The following ANKRA2 variants were observed in gnomAD, a reference collection of about 807,000 sequenced individuals.
The protein encoded by ANKRA2 is ankyrin repeat family A protein 2.
Under a neutral mutation model 37.8 loss-of-function variants are expected in ANKRA2, and 33 were observed. The ratio of observed to expected loss-of-function variants is 0.87; its 90% CI spans 0.66 to 1.17. ANKRA2 has a LOEUF of 1.17. Among genes scored for constraint, ANKRA2 ranks in the 50% most tolerant of loss-of-function variants. ANKRA2 has a pLI of 0.00. For synonymous variants in ANKRA2, 126 were observed against 132.3 expected (o/e 0.95, Z 0.33); for missense variants, 326 against 373.7 (o/e 0.87, Z 1.05).
rs1347497389 is a variant in ANKRA2 at position 73,552,807 on chromosome 5, A to G, written c.932T>C (p.Ile311Thr). 2.5e-6 allele frequency: 4 copies of G among 1,605,888 alleles called. No individual in the cohort carries two copies. Among genetic ancestry groups the G allele is most frequent in the African/African-American group, 2.7e-5 (2 of 74,826 alleles). ...ESHLLKLLQNIKE is the reference protein window; with the variant it reads ...ESHLLKLLQNTKE ...TTCTGATGACTGTGTCTACTCCTTG[A>G]TATTTTGAAGCAGCTTCAACAAATG... The change falls in exon 9 of 9, where the codon ATC (isoleucine) becomes ACC (threonine). Residue 311 changes from isoleucine (I) to threonine (T), a missense_variant. Ile to Thr is a moderately conservative substitution (Grantham distance 89). Around this residue, in one of 3 missense-constraint regions of ANKRA2, gnomAD observed 228 missense variants for 260.2 expected, o/e 0.88. Transcript: ENST00000296785.
chr5:73,559,640 T>A (rs1340292763), intron 3 of ANKRA2, among the ~76,000 whole-genome samples: 1 of 139,798 alleles, frequency 7.2e-6, no homozygotes, highest in Non-Finnish European at 1.6e-5. Flanking sequence ...TTATTATTTT[T>A]AATCTCTATT....
intron 7 of ANKRA2, among the ~76,000 whole-genome samples, chr5:73,553,782 C>T (rs4041313): frequency 1.6e-4 from 20 of 126,578 alleles, no homozygotes; most frequent in East Asian, 2.1e-4. Flanking sequence ...TTCTTTTCTT[C>T]TTTTTTTTTT....
At chr5:73,557,236 T>G (rs1332630872) in intron 4 of ANKRA2, among the ~76,000 whole-genome samples, 1 of 151,764 alleles carries the variant, frequency 6.6e-6, no homozygotes, top group African/African-American at 2.4e-5. Flanking sequence ...AACGGTGCAA[T>G]GTAGTGTATA....
chr5:73,555,183 C>T (rs1054305763), intron 5 of ANKRA2, 197 bp from the exon 6 acceptor site: 27 of 1,397,608 alleles, frequency 1.9e-5, no homozygotes, highest in Non-Finnish European at 2.4e-5. Flanking sequence ...CTGTATCAAT[C>T]CTAATTATCC....
intron 3 of ANKRA2, 144 bp from the exon 4 acceptor site, chr5:73,557,784 C>T: frequency 3.5e-6 from 2 of 568,210 alleles, no homozygotes; most frequent in East Asian, 3.4e-5. Flanking sequence ...TAAAATGTAT[C>T]CTAAAATTAA....
chr5:73,553,450 C>T lies in ANKRA2; in HGVS notation c.842G>A (p.Gly281Glu), dbSNP rs1747305154. ...TACAGCTAGATCCATAGAATTATAT[C>T]CAGAGTCAGTTTCAATTGTTGGATC... ...GADPTIETDS[G>E]YNSMDLAVAL... The change falls in exon 8 of 9, where the codon GGA becomes GAA. Residue 281 changes from glycine to glutamate, a missense_variant. Transcript: ENST00000296785. 2 of 1,613,476 alleles carry T rather than the reference C, an allele frequency of 1.2e-6. No individual in the cohort carries two copies. Among genetic ancestry groups the T allele is most frequent in the Non-Finnish European group, 1.7e-6 (2 of 1,179,680 alleles).
chr5:73,554,201 G>T, intron 7 of ANKRA2, 121 bp downstream of exon 7: 3 of 911,672 alleles, frequency 3.3e-6, no homozygotes, highest in African/African-American at 1.7e-5. Flanking sequence ...AGGGTGAAGA[G>T]CAGCAAGATT....
intron 4 of ANKRA2, among the ~76,000 whole-genome samples, chr5:73,555,958 T>C (rs578084064): frequency 2.0e-4 from 31 of 152,340 alleles, no homozygotes; most frequent in Non-Finnish European, 3.4e-4. Flanking sequence ...TTCTTCAATA[T>C]ACAGAATTCC....
At chr5:73,562,145 T>C (rs753508413) in intron 2 of ANKRA2, among the ~76,000 whole-genome samples, 12 of 152,052 alleles carry the variant, frequency 7.9e-5, no homozygotes, top group Admixed American at 2.0e-4. Context: ...GCCTCCCAAG[T>C]AGCTGGGATT....
At position 73,552,747 on chromosome 5, in the gene ANKRA2, A is replaced by G. The variant is rs199751483; in HGVS notation, c.*50T>C. On this transcript the variant is annotated 3_prime_UTR_variant, in exon 9 of 9. Transcript: ENST00000296785. Reference sequence around the variant, plus strand: ...TTATAAGTAAACAAAACTATCATTTATAAGGACCAAGAAGTAAACAAAAGG... The same window carrying G: ...TTATAAGTAAACAAAACTATCATTTGTAAGGACCAAGAAGTAAACAAAAGG... 52 of 1,507,794 alleles carry G rather than the reference A, an allele frequency of 3.4e-5. No individual in the cohort carries two copies. In the East Asian group the frequency reaches 8.4e-4, roughly 24 times the overall value. The allele number at this position is 1,507,794 out of a possible 1,614,324, so 93.4% of individuals were successfully genotyped here.
At chr5:73,564,619 T>C (rs1169100072) in intron 1 of ANKRA2, among the ~76,000 whole-genome samples, 1 of 152,184 alleles carries the variant, frequency 6.6e-6, no homozygotes, top group Non-Finnish European at 1.5e-5. Flanking sequence ...GACAAATAAA[T>C]AATACAAGTT....
chr5:73,555,635 T>A, intron 4 of ANKRA2, 50 bp from the exon 5 acceptor site: 1 of 1,486,546 alleles, frequency 6.7e-7, no homozygotes, highest in Non-Finnish European at 9.3e-7. Context: ...AACCATATCT[T>A]AATATCACTA....
At chr5:73,557,941 G>A (rs1747446730) in intron 3 of ANKRA2, among the ~76,000 whole-genome samples, 1 of 152,106 alleles carries the variant, frequency 6.6e-6, no homozygotes, top group Admixed American at 6.5e-5. Context: ...GCTGGGCATG[G>A]TGGCATGTGC....
In ANKRA2 at chr5:73,562,803, TGCCA is replaced by T; in HGVS notation, c.75_78del (p.Gly26CysfsTer6). On this transcript the variant is annotated frameshift_variant, in exon 2 of 9. Coordinates refer to ENST00000296785, the MANE Select transcript of ANKRA2 (RefSeq NM_023039.5). LOFTEE classifies it high-confidence loss of function. Reference sequence around the variant, plus strand: ...GGATGTTCTATTTTAATGTCTGGCATGCCAGTTAGGCTATAAGTGCTGGGACACT... The same window carrying T: ...GGATGTTCTATTTTAATGTCTGGCATGTTAGGCTATAAGTGCTGGGACACT... The T allele has an allele frequency of 5.6e-6, 9 of 1,614,214 alleles. No individual in the cohort carries two copies. The highest frequency in any genetic ancestry group is 7.6e-6 in the Non-Finnish European group (9 of 1,180,032).
intron 5 of ANKRA2, 191 bp downstream of exon 5, chr5:73,555,297 A>G: frequency 9.1e-6 from 11 of 1,213,428 alleles, no homozygotes; most frequent in Non-Finnish European, 1.2e-5. Context: ...GCGTTAAATT[A>G]TTTCTCACTG....
intron 5 of ANKRA2, 141 bp from the exon 6 acceptor site, chr5:73,555,127 A>G: frequency 6.9e-7 from 1 of 1,439,752 alleles, no homozygotes; most frequent in Non-Finnish European, 9.1e-7. Context: ...ACTTTTACTC[A>G]TGGATGCTTT....
At chr5:73,560,313 T>TA (rs1429343511) in intron 3 of ANKRA2, among the ~76,000 whole-genome samples, 3 of 152,208 alleles carry the variant, frequency 2.0e-5, no homozygotes, top group African/African-American at 4.8e-5. Flanking sequence ...TGTAAACATT[T>TA]AAAATTTACT....
At position 73,557,567 on chromosome 5, in the gene ANKRA2, G is replaced by T. The variant is rs1431349668; in HGVS notation, c.514+8C>A. ...AATTTGTTTAAATATTTTTAAATAGGCTATTACCTTGTTCGATACGAGTAG... is the reference window on the plus strand; with the variant it reads ...AATTTGTTTAAATATTTTTAAATAGTCTATTACCTTGTTCGATACGAGTAG... On this transcript the variant is annotated splice_region_variant and intron_variant, in intron 4 of 8. Transcript: ENST00000296785. 1.9e-6 allele frequency: 3 copies of T among 1,576,582 alleles called. No individual in the cohort carries two copies. Among genetic ancestry groups the T allele is most frequent in the Non-Finnish European group, 2.6e-6 (3 of 1,150,312 alleles).
At chr5:73,557,708 T>C in intron 3 of ANKRA2, 68 bp from the exon 4 acceptor site, 4 of 1,130,600 alleles carry the variant, frequency 3.5e-6, no homozygotes, top group Non-Finnish European at 5.1e-6. Context: ...CCATGGTTCA[T>C]GTTTGTGTCA....
Sources: gnomAD v4.1 joint callset for allele counts (sites outside exome capture counted in the v4.1 genomes callset) on GRCh38, gnomAD v4.1.1 for gene constraint, gnomAD v4.1.1 regional missense constraint, MANE v1.5 for transcripts, NCBI Gene and HGNC (gene_info 2026-07-23, HGNC 2026-07-21) for gene names.